Variants in PDE7B observed in about 807,000 individuals in gnomAD.
The protein encoded by PDE7B is 3',5'-cyclic-AMP phosphodiesterase 7B.
In PDE7B, 29 loss-of-function variants were observed where a neutral mutation model predicts 56.2. The ratio of observed to expected loss-of-function variants is 0.52; its 90% CI spans 0.38 to 0.70. The LOEUF is 0.70. PDE7B is among the 30% of genes least tolerant of loss of function. PDE7B has a pLI of 0.00. For missense variants in PDE7B, 490 were observed against 565.0 expected (o/e 0.87, Z 1.35); for synonymous variants, 197 against 196.9 (o/e 1.00, Z 0.00).
At chr6:135,962,732 A>G (rs1774925069) in intron 2 of PDE7B, among the ~76,000 whole-genome samples, 1 of 152,190 alleles carries the variant, frequency 6.6e-6, no homozygotes, top group Non-Finnish European at 1.5e-5. Flanking sequence ...GGTAACCACT[A>G]CACCAGTTGC....
At chr6:136,020,237 C>A (rs1032755851) in intron 2 of PDE7B, among the ~76,000 whole-genome samples, 1 of 151,984 alleles carries the variant, frequency 6.6e-6, no homozygotes, top group Non-Finnish European at 1.5e-5. Flanking sequence ...TTCTCGTGGA[C>A]GAGGGAGACA....
intron 8 of PDE7B, among the ~76,000 whole-genome samples, chr6:136,163,745 G>C (rs1778748195): frequency 6.6e-6 from 1 of 152,124 alleles, no homozygotes; most frequent in South Asian, 2.1e-4. Context: ...TCTCTCTCAA[G>C]TTCAAAGTTC....
At chr6:136,165,138 T>C (rs1167969861) in intron 8 of PDE7B, among the ~76,000 whole-genome samples, 2 of 152,210 alleles carry the variant, frequency 1.3e-5, no homozygotes, top group Admixed American at 6.5e-5. Flanking sequence ...AAAGTTGTTA[T>C]AAGGTGTTGT....
intron 3 of PDE7B, among the ~76,000 whole-genome samples, chr6:136,146,720 G>T (rs1262259724): frequency 6.6e-6 from 1 of 152,130 alleles, no homozygotes; most frequent in Non-Finnish European, 1.5e-5. Flanking sequence ...AGTAGAAAAA[G>T]AATAACTGCT....
intron 9 of PDE7B, among the ~76,000 whole-genome samples, chr6:136,176,275 A>G (rs1583926024): frequency 1.3e-5 from 2 of 152,202 alleles, no homozygotes; most frequent in Non-Finnish European, 2.9e-5. Context: ...TTATTTTCCA[A>G]TTATAAATTC....
chr6:135,987,837 A>G (rs780931955), intron 2 of PDE7B, among the ~76,000 whole-genome samples: 3 of 141,434 alleles, frequency 2.1e-5, no homozygotes, highest in Admixed American at 6.7e-5. Flanking sequence ...ACACACACAC[A>G]CACATACACA....
At chr6:136,047,188 A>G (rs1018702455) in intron 2 of PDE7B, 2 of 152,120 alleles carry the variant, frequency 1.3e-5, no homozygotes, top group Admixed American at 1.3e-4. Flanking sequence ...CCTCTCTACT[A>G]CCACTCTTTC....
chr6:135,973,965 G>T (rs930995313), intron 2 of PDE7B, among the ~76,000 whole-genome samples: 2 of 152,168 alleles, frequency 1.3e-5, no homozygotes, highest in African/African-American at 4.8e-5. Flanking sequence ...CAGTCTCCAT[G>T]TACTAGGGGT....
intron 9 of PDE7B, among the ~76,000 whole-genome samples, chr6:136,175,453 T>C (rs7745641): frequency 0.027 from 4,107 of 152,216 alleles, 170 homozygotes; most frequent in African/African-American, 0.093. Flanking sequence ...CTTTCATATG[T>C]TTCAGCTTGA....
chr6:135,880,196 A>G (rs1294773633), intron 1 of PDE7B, among the ~76,000 whole-genome samples: 2 of 152,186 alleles, frequency 1.3e-5, no homozygotes, highest in Non-Finnish European at 2.9e-5. Flanking sequence ...GTTGCCTGAC[A>G]GTAAAACAGG....
intron 2 of PDE7B, chr6:136,049,565 G>T (rs1045751364): frequency 2.6e-5 from 4 of 152,232 alleles, no homozygotes. Context: ...TGAGGATTGG[G>T]CATTAACTGA....
At chr6:136,088,726 T>C (rs751936237) in intron 2 of PDE7B, among the ~76,000 whole-genome samples, 1 of 152,022 alleles carries the variant, frequency 6.6e-6, no homozygotes, top group Non-Finnish European at 1.5e-5. Context: ...TTCCTTTTTA[T>C]AGTGATGAAA....
intron 2 of PDE7B, among the ~76,000 whole-genome samples, chr6:136,020,508 A>C (rs4895460): frequency 0.11 from 17,353 of 152,122 alleles, 1,928 homozygotes; most frequent in African/African-American, 0.29. Context: ...ATTCTTATGG[A>C]TCTCCTTTCT....
intron 3 of PDE7B, among the ~76,000 whole-genome samples, chr6:136,124,183 T>A (rs3799385): frequency 0.043 from 6,480 of 151,948 alleles, 448 homozygotes; most frequent in African/African-American, 0.14. Context: ...GGCATGAAAA[T>A]TGAAAAAGTA....
At chr6:136,107,172 G>A (rs891536413) in intron 2 of PDE7B, among the ~76,000 whole-genome samples, 1 of 152,148 alleles carries the variant, frequency 6.6e-6, no homozygotes, top group African/African-American at 2.4e-5. Context: ...GCAGCTGATG[G>A]GGATCTCACC....
chr6:136,113,976 A>C (rs1777790898), intron 3 of PDE7B, among the ~76,000 whole-genome samples: 1 of 152,180 alleles, frequency 6.6e-6, no homozygotes, highest in Admixed American at 6.5e-5. Context: ...ATACAAAGAA[A>C]ACGTGCTCAG....
intron 2 of PDE7B, among the ~76,000 whole-genome samples, chr6:136,004,625 A>AC (rs1420691903): frequency 6.6e-6 from 1 of 150,988 alleles, no homozygotes; most frequent in African/African-American, 2.4e-5. Flanking sequence ...AGAATAAAAT[A>AC]CCTAGGAATC....
chr6:135,977,813 G>A (rs1775216880), intron 2 of PDE7B, among the ~76,000 whole-genome samples: 1 of 152,074 alleles, frequency 6.6e-6, no homozygotes, highest in African/African-American at 2.4e-5. Flanking sequence ...TAGCATAAAA[G>A]CTATTAGGTG....
At chr6:135,933,879 C>T (rs1003694742) in intron 1 of PDE7B, among the ~76,000 whole-genome samples, 2 of 152,216 alleles carry the variant, frequency 1.3e-5, no homozygotes, top group East Asian at 1.9e-4. Flanking sequence ...AGAGTCCTCC[C>T]TTTATATTTT....
Sources: gnomAD v4.1 joint callset for allele counts (sites outside exome capture counted in the v4.1 genomes callset) on GRCh38, gnomAD v4.1.1 for gene constraint, MANE v1.5 for transcripts, NCBI Gene and HGNC (gene_info 2026-07-23, HGNC 2026-07-21) for gene names.